The following DNM2 variants were observed in gnomAD, a reference collection of about 807,000 sequenced individuals.
DNM2 encodes dynamin-2.
A neutral mutation model predicts 99.0 loss-of-function variants in DNM2; 15 were observed. That is an observed-to-expected ratio of 0.15 (90% CI 0.10 to 0.23). The LOEUF is 0.23. DNM2 is among the 10% of genes least tolerant of loss of function. DNM2 has a pLI of 1.00. For synonymous variants in DNM2, 525 were observed against 481.2 expected (o/e 1.09, Z -1.19); for missense variants, 742 against 1,189.4 (o/e 0.62, Z 5.53).
At chr19:10,738,521 A>G (rs1028455259) in intron 1 of DNM2, among the ~76,000 whole-genome samples, 2 of 151,870 alleles carry the variant, frequency 1.3e-5, no homozygotes, top group Non-Finnish European at 2.9e-5. Flanking sequence ...GACTGGCCAC[A>G]GTTGGAGGCC....
intron 17 of DNM2, chr19:10,824,467 C>T: frequency 5.0e-6 from 1 of 198,034 alleles, no homozygotes; most frequent in Non-Finnish European, 1.1e-5. Context: ...CGCCATTGCA[C>T]TCCAGCCTGG....
chr19:10,785,477 A>G (rs1599550763), intron 6 of DNM2, among the ~76,000 whole-genome samples: 1 of 152,154 alleles, frequency 6.6e-6, no homozygotes, highest in East Asian at 1.9e-4. Flanking sequence ...GTTGTCCAGA[A>G]TGGATTGCAG....
At chr19:10,757,392 A>G (rs2070430472) in intron 1 of DNM2, among the ~76,000 whole-genome samples, 1 of 152,184 alleles carries the variant, frequency 6.6e-6, no homozygotes. Flanking sequence ...GCCACTGGGT[A>G]ATACATTCCC....
At position 10,830,582 on chromosome 19, in the gene DNM2, A is replaced by G. The variant is rs1206386812; in HGVS notation, c.2543+204A>G. On this transcript the variant is annotated intron_variant, in intron 20 of 20. Coordinates refer to ENST00000389253, the MANE Select transcript of DNM2 (RefSeq NM_001005361.3). This position sits in a 1 kb window ranked among gnomAD's most constrained non-coding sequence, Gnocchi z 4.8. ...GTCACAGAGTAGCGGAGCCCTGGTG[A>G]CTCCGGGGCTCCCAGCTTGCCCTCT... The G allele has an allele frequency of 1.5e-6, 1 of 668,088 alleles. No individual in the cohort carries two copies. The highest frequency in any genetic ancestry group is 2.5e-6 in the Non-Finnish European group (1 of 402,036). 41.4% of individuals were successfully genotyped at this position (668,088 alleles called of 1,614,324 possible).
chr19:10,819,890 T>C, intron 15 of DNM2, 90 bp from the exon 16 acceptor site: 1 of 1,188,152 alleles, frequency 8.4e-7, no homozygotes, highest in Non-Finnish European at 1.3e-6. Context: ...CCCCCGGGGC[T>C]GGTGGTGGCG....
At chr19:10,786,103 A>G (rs754950447) in intron 6 of DNM2, among the ~76,000 whole-genome samples, 1 of 152,138 alleles carries the variant, frequency 6.6e-6, no homozygotes, top group Non-Finnish European at 1.5e-5. Context: ...CCTGGCCCAC[A>G]TTTGTCTATT....
chr19:10,817,315 G>A lies in DNM2; in HGVS notation c.1672-2665G>A, dbSNP rs548990209. On this transcript the variant is annotated intron_variant, in intron 15 of 20. Transcript: ENST00000389253. The surrounding 1 kb of genome is among the most constrained non-coding windows in gnomAD (Gnocchi z 4.6). Reference sequence around the variant, plus strand: ...TGCCTCTTCTCCCACCCAGGCCCTCGAATCTTCTATGCGAGGCTCTGCCAC... The same window carrying A: ...TGCCTCTTCTCCCACCCAGGCCCTCAAATCTTCTATGCGAGGCTCTGCCAC... The A allele has an allele frequency of 1.0e-4, 42 of 421,324 alleles. No homozygotes were observed. The highest frequency in any genetic ancestry group is 5.5e-4 in the South Asian group (32 of 58,474). The allele number at this position is 421,324 out of a possible 1,614,324, so 26.1% of individuals were successfully genotyped here.
intron 1 of DNM2, among the ~76,000 whole-genome samples, chr19:10,722,169 G>A (rs2068961508): frequency 6.6e-6 from 1 of 152,128 alleles, no homozygotes; most frequent in African/African-American, 2.4e-5. Context: ...TGTCCCTTGT[G>A]GCAGTAATGG....
At chr19:10,766,134 C>G (rs761661671) in intron 2 of DNM2, among the ~76,000 whole-genome samples, 1 of 152,174 alleles carries the variant, frequency 6.6e-6, no homozygotes, top group Non-Finnish European at 1.5e-5. Context: ...AACTCTCCTC[C>G]CTCTCTCCCT....
chr19:10,797,583 C>A (rs1013486468), intron 10 of DNM2, 65 bp downstream of exon 10: 10 of 1,611,516 alleles, frequency 6.2e-6, no homozygotes, highest in Middle Eastern at 1.8e-4. Context: ...TTAGTCTCAA[C>A]CCGAGCATCT....
At position 10,825,061 on chromosome 19, in the gene DNM2, A is replaced by G; in HGVS notation, c.1898A>G (p.Glu633Gly). The stretch of plus-strand genomic sequence containing the variant: ...CACCTCCCCTCCCGCTTGCAGGCAG[A>G]AAACGAGGATGGGGCCCAGGAGAAC... ...AGVYPEKDQA[E>G]NEDGAQENTF... is the part of the protein sequence containing the mutation. The change falls in exon 18 of 21, where the codon GAA becomes GGA. Residue 633 changes from glutamate (E) to glycine (G), a missense_variant. Glu to Gly is a moderately conservative substitution (Grantham distance 98). This residue lies in a region of DNM2 where 240 missense variants were observed against 431.3 expected (regional missense o/e 0.56). Transcript: ENST00000389253. The G allele has an allele frequency of 6.2e-7, 1 of 1,614,164 alleles. No homozygotes were observed. The highest frequency in any genetic ancestry group is 8.5e-7 in the Non-Finnish European group (1 of 1,180,000).
chr19:10,772,000 C>T (rs1213848677), intron 2 of DNM2, among the ~76,000 whole-genome samples: 1 of 152,014 alleles, frequency 6.6e-6, no homozygotes, highest in Non-Finnish European at 1.5e-5. Context: ...GTCATGAGAA[C>T]GAATCTTTCA....
chr19:10,775,632 G>A lies in DNM2; in HGVS notation c.386-71G>A. ...GCGCAGGAACTTTGGTAGTCAGCTG[G>A]GTGGCTGCGGGCCTGTTTGTGCCTC... On this transcript the variant is annotated intron_variant, in intron 3 of 20. Coordinates refer to ENST00000389253, the MANE Select transcript of DNM2 (RefSeq NM_001005361.3). This position sits in a 1 kb window ranked among gnomAD's most constrained non-coding sequence, Gnocchi z 4.3. 1 of 1,565,270 alleles carries A rather than the reference G, an allele frequency of 6.4e-7. No individual in the cohort carries two copies. Among genetic ancestry groups the A allele is most frequent in the East Asian group, 2.2e-5 (1 of 44,642 alleles).
In DNM2 at chr19:10,829,153, T is replaced by C. The variant is rs370459176; in HGVS notation, c.2176T>C (p.Tyr726His). The change falls in exon 19 of 21, where the codon TAC becomes CAC. Residue 726 changes from tyrosine to histidine, a missense_variant. Coordinates refer to ENST00000389253, the MANE Select transcript of DNM2 (RefSeq NM_001005361.3). Reference protein sequence around the residue: ...AQRRDDMLRMYHALKEALNII... With the variant: ...AQRRDDMLRMHHALKEALNII... ...GCGGCGGGACGACATGCTGCGCATGTACCATGCCCTCAAGGAGGCGCTCAA... is the reference window on the plus strand; with the variant it reads ...GCGGCGGGACGACATGCTGCGCATGCACCATGCCCTCAAGGAGGCGCTCAA... 1.9e-5 allele frequency: 31 copies of C among 1,613,866 alleles called. No homozygotes were observed. In the African/African-American group the frequency reaches 4.0e-4, roughly 21 times the overall value.
chr19:10,748,167 G>A (rs1433706307), intron 1 of DNM2, among the ~76,000 whole-genome samples: 1 of 152,180 alleles, frequency 6.6e-6, no homozygotes, highest in East Asian at 1.9e-4. Context: ...CATAACAAAG[G>A]GGTTTACAGT....
Position 10,749,833 on chromosome 19 carries a change from T to C in DNM2, c.162-9905T>C, listed in dbSNP as rs966478230. ...CCGTTTTGCTGGGAGTGGGAAGGGG[T>C]GTGTATTTGGGAGGGAGGGGCGCAA... On this transcript the variant is annotated intron_variant, in intron 1 of 20. Transcript: ENST00000389253. Among the ~76,000 whole-genome samples the C allele has an allele frequency of 2.3e-3, 355 of 151,262 alleles. 1 individual carries two copies. The highest frequency in any genetic ancestry group is 8.2e-3 in the African/African-American group (336 of 41,182).
Position 10,743,953 on chromosome 19 carries a change from T to C in DNM2, c.162-15785T>C, listed in dbSNP as rs374878733. On this transcript the variant is annotated intron_variant, in intron 1 of 20. Transcript: ENST00000389253. ...GTGAGCCAAGATCACGCCATTGCACTCCAGCCAGGGCAGCAGAGCGAGACT... is the reference window on the plus strand; with the variant it reads ...GTGAGCCAAGATCACGCCATTGCACCCCAGCCAGGGCAGCAGAGCGAGACT... Among the ~76,000 whole-genome samples, 12 of 147,406 alleles carry C rather than the reference T, an allele frequency of 8.1e-5. No homozygotes were observed. In the East Asian group the frequency reaches 2.4e-3, roughly 30 times the overall value.
intron 16 of DNM2, among the ~76,000 whole-genome samples, chr19:10,822,132 C>A (rs1012757250): frequency 6.6e-6 from 1 of 152,102 alleles, no homozygotes; most frequent in Non-Finnish European, 1.5e-5. Context: ...TGTTTAGCAT[C>A]CATTCCATTT....
chr19:10,721,020 C>CTCTCCCA (rs1349543811), intron 1 of DNM2, among the ~76,000 whole-genome samples: 1 of 152,130 alleles, frequency 6.6e-6, no homozygotes, highest in Non-Finnish European at 1.5e-5. Flanking sequence ...ACCTGGGTCT[C>CTCTCCCA]TCTCCCATCC....
Sources: gnomAD v4.1 joint callset for allele counts (sites outside exome capture counted in the v4.1 genomes callset) on GRCh38, gnomAD v4.1.1 for gene constraint, gnomAD v4.1.1 regional missense constraint, Gnocchi (gnomAD v3.1) non-coding constraint, MANE v1.5 for transcripts, NCBI Gene and HGNC (gene_info 2026-07-23, HGNC 2026-07-21) for gene names.